OPCML: variants seen among roughly 807,000 people sequenced by gnomAD.
OPCML encodes the protein opioid binding protein/cell adhesion molecule like, also known as opioid-binding protein/cell adhesion molecule.
OPCML carries 13 observed loss-of-function variants against 37.8 expected under a neutral mutation model. The ratio of observed to expected loss-of-function variants is 0.34; its 90% confidence interval spans 0.22 to 0.55. The LOEUF (loss-of-function observed/expected upper bound fraction) is 0.55. Ranked by LOEUF, OPCML falls within the 20% of genes least tolerant of loss-of-function variation. The pLI is 0.91. For missense variants in OPCML, 341 were observed against 435.6 expected (o/e 0.78, Z 1.93); for synonymous variants, 176 against 168.8 (o/e 1.04, Z -0.33).
At chr11:133,521,926 C>A (rs1250716218) in intron 1 of OPCML, among the ~76,000 whole-genome samples, 1 of 152,226 alleles carries the variant, frequency 6.6e-6, no homozygotes, top group Non-Finnish European at 1.5e-5. Flanking sequence ...TTTCGGCCTG[C>A]TACCATCTGA....
intron 1 of OPCML, among the ~76,000 whole-genome samples, chr11:133,236,649 CA>C (rs1940529934): frequency 1.3e-5 from 2 of 152,362 alleles, no homozygotes; most frequent in East Asian, 3.9e-4. Context: ...TTAGCTCCCA[CA>C]ATTTAGCCTA....
chr11:132,852,038 G>C (rs750610068), intron 2 of OPCML, among the ~76,000 whole-genome samples: 1 of 152,168 alleles, frequency 6.6e-6, no homozygotes, highest in Non-Finnish European at 1.5e-5. Flanking sequence ...GTAACTCCCA[G>C]GTGAAAGGTG....
At chr11:132,674,244 C>T (rs963107228) in intron 2 of OPCML, among the ~76,000 whole-genome samples, 3 of 152,140 alleles carry the variant, frequency 2.0e-5, no homozygotes, top group African/African-American at 4.8e-5. Context: ...CACAGCAGAG[C>T]GGTCGAAGCA....
chr11:132,903,463 C>G (rs1222815041), intron 2 of OPCML, among the ~76,000 whole-genome samples: 1 of 152,154 alleles, frequency 6.6e-6, no homozygotes, highest in African/African-American at 2.4e-5. Flanking sequence ...TGGAACCCTT[C>G]TCTCATTCAA....
intron 1 of OPCML, among the ~76,000 whole-genome samples, chr11:133,356,129 C>G (rs911957407): frequency 6.6e-6 from 1 of 152,096 alleles, no homozygotes; most frequent in African/African-American, 2.4e-5. Context: ...ATCTCTCTTC[C>G]CAATGCTATC....
At chr11:133,349,852 G>A (rs984269545) in intron 1 of OPCML, among the ~76,000 whole-genome samples, 2 of 152,130 alleles carry the variant, frequency 1.3e-5, no homozygotes, top group African/African-American at 2.4e-5. Context: ...AAGCTATCAG[G>A]GAGAAAGAGC....
intron 1 of OPCML, among the ~76,000 whole-genome samples, chr11:133,523,321 T>C (rs1199169435): frequency 6.6e-6 from 1 of 152,254 alleles, no homozygotes; most frequent in East Asian, 1.9e-4. Flanking sequence ...GGACGGACGC[T>C]CTTCTCAGCA....
intron 1 of OPCML, among the ~76,000 whole-genome samples, chr11:132,991,797 T>C (rs1946782840): frequency 6.6e-6 from 1 of 152,182 alleles, no homozygotes; most frequent in Admixed American, 6.5e-5. Flanking sequence ...GATCCCTGTT[T>C]TCCCTGCAGT....
At chr11:132,510,855 C>A (rs1391183149) in intron 4 of OPCML, among the ~76,000 whole-genome samples, 1 of 152,022 alleles carries the variant, frequency 6.6e-6, no homozygotes, top group Non-Finnish European at 1.5e-5. Flanking sequence ...TGTAAAAAAC[C>A]TACAGATAAT....
intron 1 of OPCML, among the ~76,000 whole-genome samples, chr11:133,280,321 C>T (rs2136506141): frequency 6.6e-6 from 1 of 152,306 alleles, no homozygotes; most frequent in East Asian, 1.9e-4. Flanking sequence ...AGAATACAAA[C>T]ACCATTAGAT....
intron 1 of OPCML, among the ~76,000 whole-genome samples, chr11:133,182,486 G>GA (rs1162162373): frequency 2.0e-5 from 3 of 152,004 alleles, no homozygotes; most frequent in Admixed American, 6.5e-5. Flanking sequence ...AACATGACAG[G>GA]AAAAAAAGGA....
At chr11:132,521,886 G>C (rs145414312) in intron 4 of OPCML, among the ~76,000 whole-genome samples, 1 of 151,904 alleles carries the variant, frequency 6.6e-6, no homozygotes, top group Non-Finnish European at 1.5e-5. Context: ...TGTATAGTTC[G>C]GCAACATTCA....
intron 1 of OPCML, among the ~76,000 whole-genome samples, chr11:133,431,963 G>A (rs1356313422): frequency 6.6e-6 from 1 of 151,974 alleles, no homozygotes; most frequent in Admixed American, 6.6e-5. Flanking sequence ...CTGGATAAGA[G>A]GAATCGTTAT....
At chr11:132,631,073 A>T (rs1198397023) in intron 3 of OPCML, among the ~76,000 whole-genome samples, 1 of 152,040 alleles carries the variant, frequency 6.6e-6, no homozygotes, top group Non-Finnish European at 1.5e-5. Flanking sequence ...TAGGCAAAAC[A>T]AATTTATGGT....
At chr11:132,932,044 C>G (rs1313009142) in intron 2 of OPCML, among the ~76,000 whole-genome samples, 1 of 152,008 alleles carries the variant, frequency 6.6e-6, no homozygotes, top group African/African-American at 2.4e-5. Flanking sequence ...CTATAAAATA[C>G]CAATTATCTG....
At chr11:132,697,320 C>T (rs1363512019) in intron 2 of OPCML, among the ~76,000 whole-genome samples, 2 of 152,114 alleles carry the variant, frequency 1.3e-5, no homozygotes, top group African/African-American at 2.4e-5. Flanking sequence ...TAGCAAATTT[C>T]AAGTATGCGA....
At chr11:133,447,837 G>C (rs994687039) in intron 1 of OPCML, among the ~76,000 whole-genome samples, 1 of 152,174 alleles carries the variant, frequency 6.6e-6, no homozygotes, top group Admixed American at 6.5e-5. Flanking sequence ...AACATACAAT[G>C]CAAGTATTTT....
chr11:132,641,804 G>A (rs559277961), intron 3 of OPCML, among the ~76,000 whole-genome samples: 92 of 152,240 alleles, frequency 6.0e-4, no homozygotes, highest in African/African-American at 2.2e-3. Flanking sequence ...ACCAAGGACT[G>A]GGAAGCTTTA....
At chr11:132,611,377 TCTC>T (rs1193010457) in intron 3 of OPCML, among the ~76,000 whole-genome samples, 4 of 152,044 alleles carry the variant, frequency 2.6e-5, no homozygotes, top group Non-Finnish European at 5.9e-5. Context: ...AATCCTCACT[TCTC>T]CACACAGCTT....
Sources: allele counts gnomAD v4.1 joint callset (sites outside exome capture counted in the v4.1 genomes callset), GRCh38; gene constraint gnomAD v4.1.1; transcripts MANE v1.5; gene names NCBI Gene and HGNC (gene_info 2026-07-23, HGNC 2026-07-21).